GLT6D1: variants seen among roughly 807,000 people sequenced by gnomAD.
GLT6D1 encodes glycosyltransferase 6 domain containing 1, also known as putative glycosyltransferase 6 domain-containing protein 1.
GLT6D1 carries 9 observed loss-of-function variants against 12.3 expected under a neutral mutation model. The ratio of observed to expected loss-of-function variants is 0.73; its 90% CI spans 0.44 to 1.27. The LOEUF is 1.27. Ranked by LOEUF, GLT6D1 falls within the 50% of genes most tolerant of loss-of-function variation. The probability of loss-of-function intolerance (pLI) is 0.00; values close to 1 mark genes in which losing one functional copy is unlikely to be tolerated. For synonymous variants in GLT6D1, 128 were observed against 132.3 expected (o/e 0.97, Z 0.23); for missense variants, 335 against 346.2 (o/e 0.97, Z 0.26).
intron 2 of GLT6D1, among the ~76,000 whole-genome samples, chr9:135,635,484 T>A (rs1833751173): frequency 6.6e-6 from 1 of 152,216 alleles, no homozygotes; most frequent in South Asian, 2.1e-4. Context: ...AGAATGGTGC[T>A]AGAAACTAAG....
At chr9:135,634,461 T>TTC (rs1833723055) in intron 2 of GLT6D1, among the ~76,000 whole-genome samples, 1 of 145,490 alleles carries the variant, frequency 6.9e-6, no homozygotes, top group African/African-American at 2.5e-5. Flanking sequence ...TTTTTTTTTT[T>TTC]TTTGGCATGA....
At chr9:135,633,482 T>C (rs966096938) in intron 2 of GLT6D1, among the ~76,000 whole-genome samples, 59 of 152,128 alleles carry the variant, frequency 3.9e-4, no homozygotes, top group African/African-American at 1.2e-3. Context: ...CTCAAACTCC[T>C]GACTTCAGGT....
At chr9:135,640,944 C>T (rs1437137505), upstream of GLT6D1, among the ~76,000 whole-genome samples, 2 of 152,044 alleles carry the variant, frequency 1.3e-5, no homozygotes, top group African/African-American at 2.4e-5. Flanking sequence ...AGCAGTGTGC[C>T]CTCCTCCATG....
At chr9:135,636,865 T>C (rs1034316083) in intron 2 of GLT6D1, among the ~76,000 whole-genome samples, 2 of 152,174 alleles carry the variant, frequency 1.3e-5, no homozygotes, top group African/African-American at 4.8e-5. Context: ...TTTCTTTTTT[T>C]TGGGGGGATG....
Sources: allele counts gnomAD v4.1 joint callset (sites outside exome capture counted in the v4.1 genomes callset), GRCh38; gene constraint gnomAD v4.1.1; transcripts MANE v1.5; gene names NCBI Gene and HGNC (gene_info 2026-07-23, HGNC 2026-07-21).